Variants in MYO16 observed in about 807,000 individuals in gnomAD.
MYO16 encodes the protein unconventional myosin-XVI.
MYO16 carries 94 observed loss-of-function variants against 205.3 expected under a neutral mutation model. The observed-to-expected ratio is 0.46, with a 90% confidence interval of 0.39 to 0.54. The LOEUF (loss-of-function observed/expected upper bound fraction) is 0.54. MYO16 is among the 20% of genes least tolerant of loss of function. The pLI is 0.00. For missense variants in MYO16, 2,315 were observed against 2,387.5 expected, an observed-to-expected ratio of 0.97 and a Z score of 0.63; for synonymous variants, 988 against 954.0, an observed-to-expected ratio of 1.04 and a Z score of -0.66.
intron 2 of MYO16, among the ~76,000 whole-genome samples, chr13:108,667,180 G>A (rs1881770215): frequency 6.6e-6 from 1 of 152,158 alleles, no homozygotes. Flanking sequence ...AATGGGGATT[G>A]TGGATCTATA....
intron 21 of MYO16, among the ~76,000 whole-genome samples, chr13:108,997,305 AAAGAAAGAAAGAAAGAAAGAAAGAAAG>A (rs1885036135): frequency 1.6e-3 from 1 of 628 alleles, no homozygotes; most frequent in East Asian, 0.12. Flanking sequence ...AGAAAGAAAG[AAAGAAAGAAAGAAAGAAAGAAAGAAAG>A]AAAGAAAGAG....
chr13:108,607,121 T>C (rs1364050713), intron 1 of MYO16, among the ~76,000 whole-genome samples: 1 of 152,156 alleles, frequency 6.6e-6, no homozygotes, highest in Non-Finnish European at 1.5e-5. Flanking sequence ...TTGCTTTTGG[T>C]TTTACAGGCT....
intron 3 of MYO16, 76 bp from the exon 4 acceptor site, chr13:108,727,364 T>TC: frequency 6.8e-7 from 1 of 1,473,386 alleles, no homozygotes; most frequent in Non-Finnish European, 9.2e-7. Context: ...AGTTTTTTTT[T>TC]AAATCTGTGG....
the MYO16 span, among the ~76,000 whole-genome samples, chr13:108,534,625 A>T: frequency 6.2e-5 from 9 of 144,398 alleles, no homozygotes; most frequent in East Asian, 4.1e-4. Context: ...CTTCTACATT[A>T]AAAAAAAACC....
chr13:108,829,788 C>A (rs920683617), intron 9 of MYO16, among the ~76,000 whole-genome samples: 1 of 152,072 alleles, frequency 6.6e-6, no homozygotes, highest in African/African-American at 2.4e-5. Context: ...GCAGTGTGCC[C>A]CTTTTGACCT....
intron 27 of MYO16, among the ~76,000 whole-genome samples, chr13:109,072,376 C>T (rs1887950453): frequency 6.6e-6 from 1 of 152,072 alleles, no homozygotes; most frequent in African/African-American, 2.4e-5. Flanking sequence ...TAGATGCAAG[C>T]TGAGTGATAT....
chr13:109,043,664 G>A (rs1328258815), intron 23 of MYO16, among the ~76,000 whole-genome samples: 9 of 152,150 alleles, frequency 5.9e-5, no homozygotes, highest in African/African-American at 1.7e-4. Context: ...CTAGTGTGAA[G>A]GTAGTAAATA....
At chr13:108,609,900 T>C (rs1242345194) in intron 1 of MYO16, among the ~76,000 whole-genome samples, 1 of 151,890 alleles carries the variant, frequency 6.6e-6, no homozygotes, top group Non-Finnish European at 1.5e-5. Flanking sequence ...ACCACTACAG[T>C]CATCTGAAAG....
intron 16 of MYO16, among the ~76,000 whole-genome samples, chr13:108,919,178 G>C (rs1003611142): frequency 3.9e-5 from 6 of 152,206 alleles, no homozygotes; most frequent in Non-Finnish European, 8.8e-5. Flanking sequence ...CACGAGCATT[G>C]TGGCTATCAT....
At chr13:108,507,018 A>G in the MYO16 span, among the ~76,000 whole-genome samples, 1 of 152,164 alleles carries the variant, frequency 6.6e-6, no homozygotes. Context: ...CCATCCTTAC[A>G]TTACAGGAAT....
chr13:108,975,881 C>G (rs1884239095), intron 20 of MYO16, among the ~76,000 whole-genome samples: 1 of 152,142 alleles, frequency 6.6e-6, no homozygotes, highest in Non-Finnish European at 1.5e-5. Flanking sequence ...ATGTCATTAA[C>G]TAGATGATCT....
At chr13:109,023,052 A>G (rs1412794490) in intron 23 of MYO16, among the ~76,000 whole-genome samples, 1 of 133,320 alleles carries the variant, frequency 7.5e-6, no homozygotes, top group East Asian at 2.1e-4. Flanking sequence ...CACACATGTA[A>G]GTATATGTTT....
At chr13:108,960,102 C>T (rs1883524394) in intron 17 of MYO16, among the ~76,000 whole-genome samples, 1 of 151,736 alleles carries the variant, frequency 6.6e-6, no homozygotes. Context: ...GTGAGACCTC[C>T]ATCTCTACAA....
intron 2 of MYO16, among the ~76,000 whole-genome samples, chr13:108,686,579 C>G (rs1882686811): frequency 6.6e-6 from 1 of 152,150 alleles, no homozygotes; most frequent in African/African-American, 2.4e-5. Flanking sequence ...TCTGAATACT[C>G]TGATTCAGAG....
At chr13:108,806,601 T>C (rs1286796414) in intron 6 of MYO16, 78 bp from the exon 7 acceptor site, 2 of 1,266,344 alleles carry the variant, frequency 1.6e-6, no homozygotes, top group Non-Finnish European at 2.2e-6. Flanking sequence ...ATTAAGTAGC[T>C]CTCTTTAAAC....
intron 4 of MYO16, among the ~76,000 whole-genome samples, chr13:108,730,488 G>A (rs1028784878): frequency 5.3e-5 from 8 of 152,174 alleles, no homozygotes; most frequent in Non-Finnish European, 7.3e-5. Context: ...AGACCACCTT[G>A]AGCACAAGAA....
intron 3 of MYO16, among the ~76,000 whole-genome samples, chr13:108,714,670 GT>G (rs1407467472): frequency 6.6e-6 from 1 of 151,858 alleles, no homozygotes; most frequent in Non-Finnish European, 1.5e-5. Flanking sequence ...TCAAAATTAA[GT>G]TCCTATCTTT....
intron 21 of MYO16, among the ~76,000 whole-genome samples, chr13:108,993,278 C>A (rs1032673440): frequency 6.6e-6 from 1 of 152,078 alleles, no homozygotes. Flanking sequence ...GCGTCGATTT[C>A]TTGGCCAAGA....
intron 32 of MYO16, among the ~76,000 whole-genome samples, chr13:109,154,652 T>C (rs902572100): frequency 1.3e-5 from 2 of 152,004 alleles, no homozygotes; most frequent in African/African-American, 2.4e-5. Context: ...GCAGGGACGT[T>C]ATCTTCTCAC....
Sources: allele counts gnomAD v4.1 joint callset (sites outside exome capture counted in the v4.1 genomes callset), GRCh38; gene constraint gnomAD v4.1.1; transcripts MANE v1.5; gene names NCBI Gene and HGNC (gene_info 2026-07-23, HGNC 2026-07-21).